The following TDRD3 variants were observed in gnomAD, a reference collection of about 807,000 sequenced individuals.
TDRD3 encodes tudor domain containing 3, also known as tudor domain-containing protein 3.
In TDRD3, 45 loss-of-function variants were observed where a neutral mutation model predicts 86.7. The observed-to-expected ratio is 0.52, with a 90% CI of 0.41 to 0.67. The LOEUF is 0.67. TDRD3 is among the 30% of genes least tolerant of loss of function. The pLI is 0.00. For synonymous variants in TDRD3, 298 were observed against 301.7 expected (o/e 0.99, Z 0.13); for missense variants, 814 against 889.0 (o/e 0.92, Z 1.07).
At chr13:60,524,085 C>T (rs924220464) in intron 10 of TDRD3, among the ~76,000 whole-genome samples, 1 of 151,884 alleles carries the variant, frequency 6.6e-6, no homozygotes, top group African/African-American at 2.4e-5. Flanking sequence ...CCTGTGCTGT[C>T]CATTGGTATC....
intron 8 of TDRD3, among the ~76,000 whole-genome samples, chr13:60,507,303 C>T (rs1296299132): frequency 1.3e-5 from 2 of 152,134 alleles, no homozygotes; most frequent in Non-Finnish European, 2.9e-5. Flanking sequence ...AGAAAATTAA[C>T]AAGGATATTC....
At chr13:60,462,148 C>T (rs767860310) in intron 4 of TDRD3, among the ~76,000 whole-genome samples, 5 of 152,158 alleles carry the variant, frequency 3.3e-5, no homozygotes, top group African/African-American at 9.7e-5. Context: ...GAGTAGGATT[C>T]GTACTTTTGT....
chr13:60,473,753 A>G (rs966948707), intron 5 of TDRD3, among the ~76,000 whole-genome samples: 5 of 152,224 alleles, frequency 3.3e-5, no homozygotes, highest in African/African-American at 1.2e-4. Context: ...ATGCCCGGAC[A>G]GGGCCACTAG....
intron 1 of TDRD3, among the ~76,000 whole-genome samples, chr13:60,427,819 A>G (rs1260505381): frequency 6.6e-6 from 1 of 152,240 alleles, no homozygotes; most frequent in Non-Finnish European, 1.5e-5. Context: ...GCCTTTCAAA[A>G]TAATGTTTTT....
intron 1 of TDRD3, among the ~76,000 whole-genome samples, chr13:60,412,456 C>T (rs894102511): frequency 2.0e-5 from 3 of 151,912 alleles, no homozygotes; most frequent in African/African-American, 7.3e-5. Flanking sequence ...AGCCCTTTTC[C>T]CTACATTATA....
rs143629382 is a variant in TDRD3, at chr13:60,517,105, A to G, written c.1141+6350A>G. Among the ~76,000 whole-genome samples, 1,238 of 152,266 alleles carry G rather than the reference A, an allele frequency of 8.1e-3. 19 individuals carry two copies. Among genetic ancestry groups the G allele is most frequent in the African/African-American group, 0.029 (1,198 of 41,536 alleles). On this transcript the variant is annotated intron_variant, in intron 10 of 13. Coordinates refer to ENST00000377881, the MANE Select transcript of TDRD3 (RefSeq NM_001146070.2). ...TAGATATTAGCAGATATAAAGATACATTAATGGTTGATGGGCACTTCACAT... is the reference window on the plus strand; with the variant it reads ...TAGATATTAGCAGATATAAAGATACGTTAATGGTTGATGGGCACTTCACAT...
chr13:60,541,703 C>T (rs1455596728), intron 12 of TDRD3, among the ~76,000 whole-genome samples: 2 of 122,532 alleles, frequency 1.6e-5, no homozygotes, highest in Non-Finnish European at 3.5e-5. Context: ...ATGGATTTTT[C>T]CTTCAGCATA....
intron 1 of TDRD3, among the ~76,000 whole-genome samples, chr13:60,410,325 T>C (rs1357295418): frequency 2.0e-5 from 3 of 152,196 alleles, no homozygotes; most frequent in African/African-American, 7.2e-5. Flanking sequence ...TCTAGGTATC[T>C]TGCAGTCTAA....
intron 5 of TDRD3, among the ~76,000 whole-genome samples, chr13:60,474,374 C>G (rs1476487766): frequency 2.6e-5 from 4 of 152,160 alleles, no homozygotes; most frequent in South Asian, 2.1e-4. Flanking sequence ...GGTAGTGGCC[C>G]CCCCCGGGCC....
chr13:60,572,580 G>A (rs1368729617), intron 13 of TDRD3, among the ~76,000 whole-genome samples: 1 of 152,178 alleles, frequency 6.6e-6, no homozygotes, highest in East Asian at 1.9e-4. Flanking sequence ...GGAAGCTCCT[G>A]CTGCCATGGA....
chr13:60,509,938 T>G lies in TDRD3; in HGVS notation c.1015+19T>G. The G allele has an allele frequency of 2.6e-5, 42 of 1,609,514 alleles. No homozygotes were observed. The highest frequency in any genetic ancestry group is 3.6e-5 in the Non-Finnish European group (42 of 1,177,892). ...CTGAGAGGTATAATTTATTAAGCAG[T>G]GTGCCAGATAGTATTGTTTGCTTTT... On this transcript the variant is annotated intron_variant, in intron 9 of 13. Transcript: ENST00000377881.
upstream of TDRD3, among the ~76,000 whole-genome samples, chr13:60,396,047 T>C (rs973152797): frequency 3.3e-5 from 5 of 152,146 alleles, no homozygotes; most frequent in East Asian, 9.6e-4. Flanking sequence ...GAATTTTAGC[T>C]CCACCCAGGG....
At chr13:60,457,749 G>C (rs895465831) in intron 3 of TDRD3, among the ~76,000 whole-genome samples, 1 of 152,212 alleles carries the variant, frequency 6.6e-6, no homozygotes, top group African/African-American at 2.4e-5. Context: ...CTCTGAGGGA[G>C]TATCAGTTTC....
At chr13:60,416,553 T>A (rs1307927901) in intron 1 of TDRD3, among the ~76,000 whole-genome samples, 1 of 152,224 alleles carries the variant, frequency 6.6e-6, no homozygotes, top group Admixed American at 6.5e-5. Flanking sequence ...ATGCCTTTTC[T>A]TGTTGTTGTA....
intron 1 of TDRD3, among the ~76,000 whole-genome samples, chr13:60,416,067 T>A (rs981322667): frequency 6.6e-6 from 1 of 152,166 alleles, no homozygotes; most frequent in African/African-American, 2.4e-5. Context: ...AATTAATAAC[T>A]TTGTTGGATG....
chr13:60,434,261 G>A (rs1437900798), intron 1 of TDRD3, among the ~76,000 whole-genome samples: 2 of 152,074 alleles, frequency 1.3e-5, no homozygotes, highest in Non-Finnish European at 2.9e-5. Flanking sequence ...TTGGAGCTCA[G>A]GAGTTGGAGA....
chr13:60,454,257 A>G (rs1015653171), intron 3 of TDRD3, among the ~76,000 whole-genome samples: 2 of 152,188 alleles, frequency 1.3e-5, no homozygotes, highest in Non-Finnish European at 2.9e-5. Context: ...TAAATGTCAC[A>G]TGTATGCTTG....
At chr13:60,527,733 G>A (rs1286282303) in intron 10 of TDRD3, among the ~76,000 whole-genome samples, 1 of 152,066 alleles carries the variant, frequency 6.6e-6, no homozygotes, top group Non-Finnish European at 1.5e-5. Context: ...TTCCACTTTT[G>A]ACACTTTTCT....
At chr13:60,567,377 C>T (rs2137994908) in intron 12 of TDRD3, 148 bp from the exon 13 acceptor site, 1 of 819,466 alleles carries the variant, frequency 1.2e-6, no homozygotes, top group Non-Finnish European at 1.9e-6. Flanking sequence ...TTCCCTTCCC[C>T]TTGCCTCCCT....
Sources: gnomAD v4.1 joint callset for allele counts (sites outside exome capture counted in the v4.1 genomes callset) on GRCh38, gnomAD v4.1.1 for gene constraint, MANE v1.5 for transcripts, NCBI Gene and HGNC (gene_info 2026-07-23, HGNC 2026-07-21) for gene names.